The following EHBP1L1 variants were observed in gnomAD, a reference collection of about 807,000 sequenced individuals.
EHBP1L1 encodes EH domain binding protein 1 like 1, also known as EH domain-binding protein 1-like protein 1.
In EHBP1L1, 122 loss-of-function variants were observed where a neutral mutation model predicts 151.1. That is an observed-to-expected ratio of 0.81 (90% CI 0.70 to 0.94). The LOEUF (loss-of-function observed/expected upper bound fraction) is 0.94. EHBP1L1 is among the 40% of genes least tolerant of loss of function. The probability of loss-of-function intolerance (pLI) is 0.00; values close to 1 mark genes in which losing one functional copy is unlikely to be tolerated. For missense variants in EHBP1L1, 1,941 were observed against 1,959.8 expected, an observed-to-expected ratio of 0.99 and a Z score of 0.18; for synonymous variants, 878 against 810.1, an observed-to-expected ratio of 1.08 and a Z score of -1.42.
chr11:65,579,137 T>C lies in EHBP1L1; in HGVS notation c.162+2T>C. On this transcript the variant is annotated splice_donor_variant, in intron 2 of 18. Transcript: ENST00000309295. LOFTEE classifies it high-confidence loss of function. ...CGGAACCGACGCATCTGCTCCAAGG[T>C]GGGGAAGGATGGCAACTGGGGATCC... 6.4e-7 allele frequency: 1 copy of C among 1,550,392 alleles called. No individual in the cohort carries two copies. The highest frequency in any genetic ancestry group is 8.7e-7 in the Non-Finnish European group (1 of 1,149,114).
chr11:65,583,463 G>C lies in EHBP1L1; in HGVS notation c.2791G>C (p.Val931Leu), dbSNP rs575450400. ...AGGAGTACAAGGGTCAGAGACTCAA[G>C]TTCTGAGAGTCCAGGAGGCAGAGGC... ...ISGVQGSETQ[V>L]LRVQEAEAGV... is the part of the protein sequence containing the mutation. The change falls in exon 9 of 19, where the codon GTT becomes CTT. Residue 931 changes from valine (V) to leucine (L), a missense_variant. Coordinates refer to ENST00000309295, the MANE Select transcript of EHBP1L1 (RefSeq NM_001099409.3). 6.2e-7 allele frequency: 1 copy of C among 1,613,618 alleles called. No homozygotes were observed. The highest frequency in any genetic ancestry group is 1.1e-5 in the South Asian group (1 of 91,076).
Position 65,579,054 on chromosome 11 carries a change from TCCCTCCCCTTCC to T in EHBP1L1, c.105-15_105-4del. On this transcript the variant is annotated splice_polypyrimidine_tract_variant and intron_variant, in intron 1 of 18. Transcript: ENST00000309295. ...CTGACCAAGCAGCCTGCTCCCTTTC[TCCCTCCCCTTCC>T]CCCTCCCCCAGGCAGCCAGATAAGC... 1 of 1,565,746 alleles carries T rather than the reference TCCCTCCCCTTCC, an allele frequency of 6.4e-7. No individual in the cohort carries two copies. The highest frequency in any genetic ancestry group is 8.7e-7 in the Non-Finnish European group (1 of 1,155,236).
rs1375597034 is a variant in EHBP1L1 at position 65,581,378 on chromosome 11, G to A, written c.866+5G>A. ...GGAAACCTCACCAGAGATGAGGTGA[G>A]CTTTGGAACCAGCCTCACCCCCCAT... On this transcript the variant is annotated splice_donor_5th_base_variant and intron_variant, in intron 8 of 18. Transcript: ENST00000309295. The A allele has an allele frequency of 6.5e-7, 1 of 1,541,302 alleles. No individual in the cohort carries two copies.
At position 65,584,300 on chromosome 11, in the gene EHBP1L1, C is replaced by T; in HGVS notation, c.3153C>T (p.Thr1051=). 6.2e-7 allele frequency: 1 copy of T among 1,611,534 alleles called. No individual in the cohort carries two copies. The highest frequency in any genetic ancestry group is 8.5e-7 in the Non-Finnish European group (1 of 1,178,950). Residue 1051 remains threonine, a synonymous_variant, in exon 10 of 19, where the codon ACC becomes ACT. Coordinates refer to ENST00000309295, the MANE Select transcript of EHBP1L1 (RefSeq NM_001099409.3). ...QSLLEWCQEV[T]TGYRGVRITN... ...TGCTGGAGTGGTGCCAGGAAGTCAC[C>T]ACTGGCTACCGTGGCGTCCGCATCA...
chr11:65,588,266 C>G (rs550401880), intron 12 of EHBP1L1, among the ~76,000 whole-genome samples: 3 of 152,112 alleles, frequency 2.0e-5, no homozygotes, highest in African/African-American at 7.2e-5. Context: ...AAGCTGACTC[C>G]AGGCTGAGAA....
chr11:65,588,098 G>A (rs576734477), intron 12 of EHBP1L1, among the ~76,000 whole-genome samples: 15 of 152,268 alleles, frequency 9.9e-5, no homozygotes, highest in Admixed American at 3.9e-4. Flanking sequence ...CATGGGAGCA[G>A]CATCTGCCCA....
chr11:65,591,796 C>A lies in EHBP1L1; in HGVS notation c.4284-4C>A. On this transcript the variant is annotated splice_polypyrimidine_tract_variant and splice_region_variant and intron_variant, in intron 16 of 18. Coordinates refer to ENST00000309295, the MANE Select transcript of EHBP1L1 (RefSeq NM_001099409.3). ...CCCGCCACCCACCCCCCGCCACCTT[C>A]CAGCATGGAGGAGCAGGACTTGGAG... The A allele has an allele frequency of 9.5e-7, 1 of 1,056,292 alleles. No individual in the cohort carries two copies. 65.4% of individuals were successfully genotyped at this position (1,056,292 alleles called of 1,614,324 possible). A position where few individuals can be genotyped will look rare whatever the true frequency, so the allele number is the denominator to read the frequency against.
intron 1 of EHBP1L1, among the ~76,000 whole-genome samples, chr11:65,576,815 G>T (rs1263578693): frequency 6.6e-6 from 1 of 152,192 alleles, no homozygotes; most frequent in African/African-American, 2.4e-5. Context: ...ACTTAGTCCA[G>T]CTAAGAACAG....
In EHBP1L1 at chr11:65,581,895, C is replaced by G; in HGVS notation, c.1223C>G (p.Ser408Ter). Residue 408 changes from serine (S) to a stop codon, truncating the protein, a stop_gained, in exon 9 of 19, where the codon TCA becomes TGA. Coordinates refer to ENST00000309295, the MANE Select transcript of EHBP1L1 (RefSeq NM_001099409.3). LOFTEE classifies it high-confidence loss of function. ...GGCAGAGAGGCAAACACTAAGAGGT[C>G]AGGAGTCAGAGCTGGGGAGGCTGAA... ...SGGREANTKR[S>*]GVRAGEAEES... The G allele has an allele frequency of 6.2e-7, 1 of 1,613,618 alleles. No homozygotes were observed. The highest frequency in any genetic ancestry group is 8.5e-7 in the Non-Finnish European group (1 of 1,179,766).
chr11:65,588,397 T>C (rs1412437991), intron 12 of EHBP1L1, among the ~76,000 whole-genome samples: 1 of 151,778 alleles, frequency 6.6e-6, no homozygotes, highest in Non-Finnish European at 1.5e-5. Context: ...GCTGGGGGGC[T>C]GAGGAGAGAT....
chr11:65,592,291 G>C lies in EHBP1L1; in HGVS notation c.4561G>C (p.Val1521Leu). ...SRQLSRRERC[V>L]LS ...GCAGTTGAGCCGGCGGGAGCGCTGC[G>C]TGCTGAGCTGAGGCCGCCGGCCCGG... The change falls in exon 19 of 19, where the codon GTG (valine) becomes CTG (leucine). Residue 1521 changes from valine to leucine, a missense_variant. Coordinates refer to ENST00000309295, the MANE Select transcript of EHBP1L1 (RefSeq NM_001099409.3). The C allele has an allele frequency of 1.3e-6, 2 of 1,515,110 alleles. No individual in the cohort carries two copies. The highest frequency in any genetic ancestry group is 1.8e-6 in the Non-Finnish European group (2 of 1,138,786). 93.9% of individuals were successfully genotyped at this position (1,515,110 alleles called of 1,614,324 possible). A position where few individuals can be genotyped will look rare whatever the true frequency, so the allele number is the denominator to read the frequency against.
intron 12 of EHBP1L1, among the ~76,000 whole-genome samples, chr11:65,588,360 T>C (rs1195079339): frequency 1.3e-5 from 2 of 151,750 alleles, no homozygotes; most frequent in Non-Finnish European, 2.9e-5. Flanking sequence ...ACATTGAGGC[T>C]GGGGCCGCCT....
intron 13 of EHBP1L1, 46 bp from the exon 14 acceptor site, chr11:65,589,890 G>A (rs1456004276): frequency 1.3e-6 from 2 of 1,531,896 alleles, no homozygotes; most frequent in African/African-American, 2.7e-5. Context: ...ACTTCCTGGG[G>A]GTGGGTGGTG....
intron 12 of EHBP1L1, among the ~76,000 whole-genome samples, chr11:65,586,637 A>C (rs530013421): frequency 1.3e-5 from 2 of 152,224 alleles, no homozygotes; most frequent in Non-Finnish European, 2.9e-5. Flanking sequence ...CGGAAGGTCC[A>C]TAAGTGGCAA....
chr11:65,585,934 C>T lies in EHBP1L1; in HGVS notation c.3933+343C>T, dbSNP rs1857947238. ...TGGGGAATCAGGCTGCAGAAGTTCC[C>T]GGAGCATCCACGTTCCTGGCACTCT... On this transcript the variant is annotated intron_variant, in intron 12 of 18. Transcript: ENST00000309295. The surrounding 1 kb of genome is among the most constrained non-coding windows in gnomAD (Gnocchi z 4.0). Among the ~76,000 whole-genome samples the T allele has an allele frequency of 6.6e-6, 1 of 152,184 alleles. No homozygotes were observed. The highest frequency in any genetic ancestry group is 1.5e-5 in the Non-Finnish European group (1 of 68,010).
intron 16 of EHBP1L1, chr11:65,591,575 G>A (rs1251450145): frequency 3.3e-6 from 2 of 608,800 alleles, no homozygotes; most frequent in South Asian, 1.9e-5. Context: ...CTTCTGGGGG[G>A]TGTGTGGGAG....
intron 1 of EHBP1L1, chr11:65,578,325 C>A: frequency 6.5e-6 from 1 of 152,718 alleles, no homozygotes; most frequent in Non-Finnish European, 1.5e-5. Context: ...TGACCCTCTG[C>A]TGCTTCTCCG....
At position 65,581,535 on chromosome 11, in the gene EHBP1L1, T is replaced by C; in HGVS notation, c.867-4T>C. ...CCCAACTCCCCCTCCTGCTCTCTTC[T>C]CAGGTCTTCAAGGCAGCCAGCCCAG... is the stretch of plus-strand genomic sequence containing the variant. On this transcript the variant is annotated splice_polypyrimidine_tract_variant and splice_region_variant and intron_variant, in intron 8 of 18. Transcript: ENST00000309295. The C allele has an allele frequency of 6.7e-7, 1 of 1,488,050 alleles. No homozygotes were observed. The allele number at this position is 1,488,050 out of a possible 1,614,324, so 92.2% of individuals were successfully genotyped here.
In EHBP1L1 at chr11:65,581,285, C is replaced by T. The variant is rs761270987; in HGVS notation, c.778C>T (p.Arg260Ter). ...TCCTGCACCCCCAGCCAGAACCTCC[C>T]GAGGCCAGGGGTCAGAACGAGCTAA... ...SAPAPPARTS[R>*]GQGSERANEA... The change falls in exon 8 of 19, where the codon CGA becomes TGA. Residue 260 changes from arginine (R) to a stop codon, truncating the protein, a stop_gained. Coordinates refer to ENST00000309295, the MANE Select transcript of EHBP1L1 (RefSeq NM_001099409.3). LOFTEE classifies it high-confidence loss of function. 1.7e-5 allele frequency: 28 copies of T among 1,611,236 alleles called. No individual in the cohort carries two copies. The highest frequency in any genetic ancestry group is 3.3e-5 in the South Asian group (3 of 90,992).
Sources: gnomAD v4.1 joint callset for allele counts (sites outside exome capture counted in the v4.1 genomes callset) on GRCh38, gnomAD v4.1.1 for gene constraint, Gnocchi (gnomAD v3.1) non-coding constraint, MANE v1.5 for transcripts, NCBI Gene and HGNC (gene_info 2026-07-23, HGNC 2026-07-21) for gene names.